Variants in ABLIM1 observed in about 807,000 individuals in gnomAD.
The protein encoded by ABLIM1 is actin-binding LIM protein 1.
Under a neutral mutation model 107.0 loss-of-function variants are expected in ABLIM1, and 40 were observed. That is an observed-to-expected ratio of 0.37 (90% CI 0.29 to 0.49). The LOEUF is 0.49. Among genes scored for constraint, ABLIM1 ranks in the 20% least tolerant of loss-of-function variants. The pLI is 0.97. For missense variants in ABLIM1, 857 were observed against 1,008.5 expected (o/e 0.85, Z 2.04); for synonymous variants, 357 against 357.3 (o/e 1.00, Z 0.01).
At chr10:114,715,241 A>C (rs1464478574) in intron 1 of ABLIM1, among the ~76,000 whole-genome samples, 2 of 152,202 alleles carry the variant, frequency 1.3e-5, no homozygotes, top group Non-Finnish European at 2.9e-5. Context: ...GCCAAGAATG[A>C]AAATTCCAGT....
At chr10:114,581,676 C>A (rs1440538737) in intron 2 of ABLIM1, among the ~76,000 whole-genome samples, 1 of 152,024 alleles carries the variant, frequency 6.6e-6, no homozygotes, top group Non-Finnish European at 1.5e-5. Context: ...TGGGTGGGTC[C>A]TTTCTTCTCT....
chr10:114,459,296 A>C (rs192122528), intron 12 of ABLIM1, among the ~76,000 whole-genome samples: 1 of 152,358 alleles, frequency 6.6e-6, no homozygotes. Context: ...GTTCCAAGAC[A>C]AGCTCCAAGA....
intron 2 of ABLIM1, among the ~76,000 whole-genome samples, chr10:114,580,149 T>C (rs923331023): frequency 6.6e-6 from 1 of 150,578 alleles, no homozygotes; most frequent in South Asian, 2.1e-4. Flanking sequence ...ATTCTGACAT[T>C]CCTTTTTGAA....
At chr10:114,526,453 G>C (rs189709328) in intron 6 of ABLIM1, among the ~76,000 whole-genome samples, 8 of 152,254 alleles carry the variant, frequency 5.3e-5, no homozygotes, top group African/African-American at 1.9e-4. Context: ...ATGAACAAAA[G>C]CTCCTGTCGT....
intron 1 of ABLIM1, among the ~76,000 whole-genome samples, chr10:114,627,915 C>T (rs1396349105): frequency 6.6e-6 from 1 of 152,040 alleles, no homozygotes; most frequent in African/African-American, 2.4e-5. Context: ...CTGATGTCAG[C>T]AGTTCGAGAC....
the ABLIM1 span, among the ~76,000 whole-genome samples, chr10:114,787,331 C>T: frequency 3.3e-5 from 5 of 151,950 alleles, no homozygotes; most frequent in African/African-American, 1.2e-4. Context: ...AGGAGCCCCT[C>T]CGCCCGGCAG....
chr10:114,550,899 A>AG lies in ABLIM1; in HGVS notation c.674-3124dup, dbSNP rs2067981615. Among the ~76,000 whole-genome samples the AG allele has an allele frequency of 3.3e-5, 5 of 152,364 alleles. No homozygotes were observed. In the South Asian group the frequency reaches 1.0e-3, roughly 32 times the overall value. ...AATAATAAGGAAGATGCTGTTCAAT[A>AG]GAATTTTTAAAAGAGAAAATCAACT... On this transcript the variant is annotated intron_variant, in intron 4 of 22. Transcript: ENST00000533213.
intron 4 of ABLIM1, among the ~76,000 whole-genome samples, chr10:114,564,169 T>C (rs1457459651): frequency 6.6e-6 from 1 of 151,748 alleles, no homozygotes; most frequent in East Asian, 1.9e-4. Flanking sequence ...CCTCCAGGCA[T>C]CCCTGGACCC....
chr10:114,480,084 T>C (rs2057103369), intron 8 of ABLIM1, among the ~76,000 whole-genome samples: 1 of 152,232 alleles, frequency 6.6e-6, no homozygotes, highest in South Asian at 2.1e-4. Context: ...CAGTTTCTTC[T>C]TTACCATTAA....
intron 2 of ABLIM1, among the ~76,000 whole-genome samples, chr10:114,581,464 G>GAGAA (rs1427843918): frequency 6.6e-6 from 1 of 152,162 alleles, no homozygotes; most frequent in African/African-American, 2.4e-5. Context: ...CTACCCAATG[G>GAGAA]TGGGTTTTGG....
At chr10:114,517,382 C>T (rs80046824) in intron 6 of ABLIM1, among the ~76,000 whole-genome samples, 309 of 152,222 alleles carry the variant, frequency 2.0e-3, no homozygotes, top group African/African-American at 7.4e-3. Context: ...CACGCAGCAC[C>T]AAGGATGCTG....
chr10:114,496,715 T>C (rs141075423), intron 6 of ABLIM1, among the ~76,000 whole-genome samples: 5 of 152,316 alleles, frequency 3.3e-5, no homozygotes, highest in African/African-American at 1.2e-4. Flanking sequence ...CCTAGCCCAT[T>C]GTAATGCCAG....
At chr10:114,791,361 G>A in the ABLIM1 span, among the ~76,000 whole-genome samples, 2 of 151,988 alleles carry the variant, frequency 1.3e-5, no homozygotes, top group Admixed American at 6.5e-5. Flanking sequence ...AAATATGGCA[G>A]GGCGCGGTGG....
intron 1 of ABLIM1, among the ~76,000 whole-genome samples, chr10:114,644,904 A>G (rs1469287464): frequency 6.6e-6 from 1 of 152,142 alleles, no homozygotes; most frequent in Admixed American, 6.5e-5. Context: ...CCCTCAAACT[A>G]AACTGCTGGT....
At chr10:114,590,769 A>G (rs147591457) in intron 2 of ABLIM1, among the ~76,000 whole-genome samples, 145 of 152,278 alleles carry the variant, frequency 9.5e-4, no homozygotes, top group African/African-American at 3.4e-3. Context: ...GAAGAAGTCA[A>G]TTTGAAGGTA....
intron 2 of ABLIM1, among the ~76,000 whole-genome samples, chr10:114,594,748 TCAAAACAAAA>T (rs559001957): frequency 6.6e-6 from 1 of 152,156 alleles, no homozygotes; most frequent in African/African-American, 2.4e-5. Flanking sequence ...AGACTCTGTC[TCAAAACAAAA>T]CAAAACAAAA....
intron 12 of ABLIM1, 39 bp from the exon 13 acceptor site, chr10:114,453,522 G>T: frequency 7.0e-7 from 1 of 1,422,806 alleles, no homozygotes; most frequent in Non-Finnish European, 9.4e-7. Context: ...ATGAGAGAAG[G>T]GAGAGAGAAA....
intron 6 of ABLIM1, among the ~76,000 whole-genome samples, chr10:114,544,301 G>T (rs1430214870): frequency 4.6e-5 from 7 of 152,202 alleles, no homozygotes; most frequent in Non-Finnish European, 7.3e-5. Flanking sequence ...CCTTGGACCT[G>T]GCTGACACCC....
intron 1 of ABLIM1, among the ~76,000 whole-genome samples, chr10:114,740,841 C>T (rs561102555): frequency 4.6e-5 from 7 of 151,870 alleles, no homozygotes; most frequent in African/African-American, 1.4e-4. Flanking sequence ...GTCAGGAGTT[C>T]GAGACTAGCC....
Sources: allele counts gnomAD v4.1 joint callset (sites outside exome capture counted in the v4.1 genomes callset), GRCh38; gene constraint gnomAD v4.1.1; transcripts MANE v1.5; gene names NCBI Gene and HGNC (gene_info 2026-07-23, HGNC 2026-07-21).